The following ZDHHC17 variants were observed in gnomAD, a reference collection of about 807,000 sequenced individuals.
The protein encoded by ZDHHC17 is palmitoyltransferase ZDHHC17.
In ZDHHC17, 40 loss-of-function variants were observed where a neutral mutation model predicts 90.3. The observed-to-expected ratio is 0.44, with a 90% confidence interval of 0.34 to 0.58. ZDHHC17 has a LOEUF of 0.58. Ranked by LOEUF, ZDHHC17 falls within the 20% of genes least tolerant of loss-of-function variation. The pLI, the probability that ZDHHC17 is intolerant of heterozygous loss-of-function variation, is 0.01. For synonymous variants in ZDHHC17, 235 were observed against 252.4 expected (o/e 0.93, Z 0.65); for missense variants, 614 against 780.8 (o/e 0.79, Z 2.55).
At chr12:76,773,440 T>C (rs1952519388) in intron 1 of ZDHHC17, among the ~76,000 whole-genome samples, 1 of 152,222 alleles carries the variant, frequency 6.6e-6, no homozygotes, top group South Asian at 2.1e-4. Context: ...TAGTGCTGAA[T>C]AATATTTTAT....
chr12:76,797,540 A>G lies in ZDHHC17; in HGVS notation c.197+3A>G, dbSNP rs1187058342. 1 of 1,586,026 alleles carries G rather than the reference A, an allele frequency of 6.3e-7. No individual in the cohort carries two copies. Among genetic ancestry groups the G allele is most frequent in the African/African-American group, 1.4e-5 (1 of 73,756 alleles). Reference sequence around the variant, plus strand: ...TGGGACATAGTCAAGGCTACACAGTAAGGTTTTTGTTGTAGTTGTTTTCTT... The same window carrying G: ...TGGGACATAGTCAAGGCTACACAGTGAGGTTTTTGTTGTAGTTGTTTTCTT... On this transcript the variant is annotated splice_donor_region_variant and intron_variant, in intron 2 of 16. Coordinates refer to ENST00000426126, the MANE Select transcript of ZDHHC17 (RefSeq NM_015336.4).
intron 8 of ZDHHC17, 73 bp downstream of exon 8, chr12:76,822,604 G>A: frequency 1.6e-6 from 2 of 1,264,582 alleles, no homozygotes; most frequent in Non-Finnish European, 2.2e-6. Flanking sequence ...GCCCAGGCTG[G>A]AGTGCAGTGG....
chr12:76,794,437 C>G (rs1328667749), intron 1 of ZDHHC17, among the ~76,000 whole-genome samples: 4 of 152,134 alleles, frequency 2.6e-5, no homozygotes, highest in Admixed American at 2.6e-4. Context: ...AACCAGTATC[C>G]AGTCTGTTTA....
chr12:76,849,323 C>CCAA, intron 15 of ZDHHC17, 53 bp from the exon 16 acceptor site: 1 of 452,136 alleles, frequency 2.2e-6, no homozygotes, highest in Non-Finnish European at 3.2e-6. Context: ...GGTCCTGTCT[C>CCAA]AAAAAAAAAA....
At chr12:76,781,010 C>T (rs1360813979) in intron 1 of ZDHHC17, among the ~76,000 whole-genome samples, 3 of 151,544 alleles carry the variant, frequency 2.0e-5, no homozygotes, top group Admixed American at 1.3e-4. Flanking sequence ...AGCAGGCGCC[C>T]GTAGTCCCAG....
At position 76,803,244 on chromosome 12, in the gene ZDHHC17, C is replaced by T. The variant is rs1852255154; in HGVS notation, c.198-2073C>T. Among the ~76,000 whole-genome samples, 4 of 151,912 alleles carry T rather than the reference C, an allele frequency of 2.6e-5. No homozygotes were observed. In the South Asian group the frequency reaches 8.3e-4, roughly 32 times the overall value. On this transcript the variant is annotated intron_variant, in intron 2 of 16. Transcript: ENST00000426126. The stretch of plus-strand genomic sequence containing the variant: ...CTCCAGCCTCAGTGACAGACTGAGA[C>T]CCTGTCTCAAAAAAGAAAAAAAAAA...
intron 7 of ZDHHC17, among the ~76,000 whole-genome samples, chr12:76,818,177 A>G (rs1012717584): frequency 3.3e-5 from 5 of 151,254 alleles, no homozygotes; most frequent in Non-Finnish European, 5.9e-5. Context: ...GAACATTTAT[A>G]CTTTCAGGGG....
chr12:76,810,636 A>G (rs915932953), intron 5 of ZDHHC17, among the ~76,000 whole-genome samples: 2 of 152,172 alleles, frequency 1.3e-5, no homozygotes, highest in Non-Finnish European at 2.9e-5. Flanking sequence ...AGTCTCAAGC[A>G]GTGGCAGTTG....
intron 5 of ZDHHC17, among the ~76,000 whole-genome samples, chr12:76,810,377 A>G (rs530619535): frequency 6.6e-6 from 1 of 152,254 alleles, no homozygotes; most frequent in South Asian, 2.1e-4. Context: ...CAGTTTATAT[A>G]ATCATGTTTT....
At chr12:76,825,903 TC>T (rs1161139546) in intron 8 of ZDHHC17, among the ~76,000 whole-genome samples, 1 of 152,080 alleles carries the variant, frequency 6.6e-6, no homozygotes, top group Non-Finnish European at 1.5e-5. Flanking sequence ...ACCCTTGACT[TC>T]CCTGGGCTCA....
chr12:76,797,946 C>CACAT (rs921357983), intron 2 of ZDHHC17, among the ~76,000 whole-genome samples: 1 of 44,304 alleles, frequency 2.3e-5, no homozygotes, highest in South Asian at 6.6e-4. Context: ...CTCTGCCACA[C>CACAT]ACACACACAC....
chr12:76,833,914 G>T (rs1263783480), intron 10 of ZDHHC17, among the ~76,000 whole-genome samples: 1 of 152,022 alleles, frequency 6.6e-6, no homozygotes, highest in South Asian at 2.1e-4. Flanking sequence ...TTATAGTAGG[G>T]GAAAAAATGA....
At chr12:76,790,861 A>G (rs1051618416) in intron 1 of ZDHHC17, among the ~76,000 whole-genome samples, 5 of 152,228 alleles carry the variant, frequency 3.3e-5, no homozygotes, top group African/African-American at 1.2e-4. Flanking sequence ...TAAGGGATAT[A>G]AAAGTACAGC....
At position 76,815,147 on chromosome 12, in the gene ZDHHC17, A is replaced by C. The variant is rs917021835; in HGVS notation, c.545A>C (p.Asp182Ala). 1 of 1,554,200 alleles carries C rather than the reference A, an allele frequency of 6.4e-7. No individual in the cohort carries two copies. The highest frequency in any genetic ancestry group is 8.7e-7 in the Non-Finnish European group (1 of 1,146,904). ...CTTTTTTTCTTTTTACTTTATCAGG[A>C]TGTAGATATGATGGATCAGAATGGA... ...IVAYLIAKGQDVDMMDQNGMT... is the reference protein window; with the variant it reads ...IVAYLIAKGQAVDMMDQNGMT... Residue 182 changes from aspartate to alanine, a missense_variant and splice_region_variant, in exon 6 of 17, where the codon GAT becomes GCT. Asp to Ala is a moderately radical substitution (Grantham distance 126). Transcript: ENST00000426126.
chr12:76,848,444 G>A, intron 15 of ZDHHC17, 54 bp downstream of exon 15: 2 of 1,551,550 alleles, frequency 1.3e-6, no homozygotes, highest in East Asian at 4.6e-5. Context: ...TTCCATCCTT[G>A]CATAAAAGAT....
At chr12:76,776,836 A>T (rs1191077317) in intron 1 of ZDHHC17, among the ~76,000 whole-genome samples, 1 of 152,182 alleles carries the variant, frequency 6.6e-6, no homozygotes, top group Non-Finnish European at 1.5e-5. Flanking sequence ...ACAGTTTTTT[A>T]AAAAAACTTG....
intron 8 of ZDHHC17, among the ~76,000 whole-genome samples, chr12:76,825,682 A>C (rs1481160011): frequency 6.6e-6 from 1 of 150,922 alleles, no homozygotes; most frequent in Non-Finnish European, 1.5e-5. Flanking sequence ...TTTATATGAA[A>C]AAAAAAAATC....
chr12:76,782,452 G>A (rs1261154625), intron 1 of ZDHHC17, among the ~76,000 whole-genome samples: 3 of 152,180 alleles, frequency 2.0e-5, no homozygotes, highest in Non-Finnish European at 4.4e-5. Context: ...TGGAAAAGCT[G>A]GAAGAGAGGG....
chr12:76,784,238 G>A (rs1952660769), intron 1 of ZDHHC17, among the ~76,000 whole-genome samples: 1 of 152,180 alleles, frequency 6.6e-6, no homozygotes, highest in African/African-American at 2.4e-5. Context: ...CTTTTAACTA[G>A]TTGTAACATG....
Sources: allele counts gnomAD v4.1 joint callset (sites outside exome capture counted in the v4.1 genomes callset), GRCh38; gene constraint gnomAD v4.1.1; transcripts MANE v1.5; gene names NCBI Gene and HGNC (gene_info 2026-07-23, HGNC 2026-07-21).